Variants in ALG6 observed in about 807,000 individuals in gnomAD.
ALG6 encodes dolichyl pyrophosphate Man9GlcNAc2 alpha-1,3-glucosyltransferase.
A neutral mutation model predicts 66.6 loss-of-function variants in ALG6; 46 were observed. That is an observed-to-expected ratio of 0.69 (90% CI 0.55 to 0.88). ALG6 has a LOEUF of 0.88. ALG6 is among the 40% of genes least tolerant of loss of function. ALG6 has a pLI of 0.00. For synonymous variants in ALG6, 185 were observed against 203.7 expected (o/e 0.91, Z 0.78); for missense variants, 505 against 586.8 (o/e 0.86, Z 1.44).
chr1:63,409,125 A>G (rs1381131128), intron 7 of ALG6, among the ~76,000 whole-genome samples: 1 of 152,204 alleles, frequency 6.6e-6, no homozygotes, highest in Non-Finnish European at 1.5e-5. Flanking sequence ...TCATTTGCAA[A>G]ATGTGGATAA....
chr1:63,373,657 C>CTT lies in ALG6; in HGVS notation c.82+2598_82+2599insTT, dbSNP rs1557578257. ...TTATTTTTCAATTTAATTTAATTTA[C>CTT]ATTTTTTTTTTTTTTTTTTTTGAGA... On this transcript the variant is annotated intron_variant, in intron 2 of 14. Coordinates refer to ENST00000263440, the MANE Select transcript of ALG6 (RefSeq NM_013339.4). Among the ~76,000 whole-genome samples, 89 of 114,784 alleles carry CTT rather than the reference C, an allele frequency of 7.8e-4. 1 individual carries two copies. The highest frequency in any genetic ancestry group is 1.0e-3 in the African/African-American group (31 of 30,286). The allele number at this position is 114,784 out of a possible 152,430, so 75.3% of individuals were successfully genotyped here.
At chr1:63,382,245 A>G (rs1648337836) in intron 2 of ALG6, among the ~76,000 whole-genome samples, 1 of 151,818 alleles carries the variant, frequency 6.6e-6, no homozygotes, top group South Asian at 2.1e-4. Flanking sequence ...TGTGTCGCCC[A>G]GAGTGGAGTG....
intron 2 of ALG6, among the ~76,000 whole-genome samples, chr1:63,373,482 C>T (rs1202545613): frequency 6.6e-6 from 1 of 151,360 alleles, no homozygotes; most frequent in Non-Finnish European, 1.5e-5. Flanking sequence ...GTAATCCCAG[C>T]TGCTGGGGAG....
intron 2 of ALG6, among the ~76,000 whole-genome samples, chr1:63,382,665 GTTTTTTTTTTT>G (rs59236936): frequency 3.2e-5 from 3 of 93,600 alleles, no homozygotes; most frequent in African/African-American, 9.3e-5. Context: ...GTTTTTTTTT[GTTTTTTTTTTT>G]TTGTTTTTTT....
chr1:63,428,182 C>T (rs1644627053), intron 12 of ALG6: 1 of 152,780 alleles, frequency 6.5e-6, no homozygotes, highest in Non-Finnish European at 1.5e-5. Flanking sequence ...TACTATTTCC[C>T]TTTTTATGTA....
At chr1:63,424,852 C>T (rs1350597707) in intron 12 of ALG6, among the ~76,000 whole-genome samples, 1 of 148,312 alleles carries the variant, frequency 6.7e-6, no homozygotes, top group Non-Finnish European at 1.5e-5. Flanking sequence ...AATCTTAGCT[C>T]ACTACAACCT....
At chr1:63,398,649 G>A (rs1000249654) in intron 3 of ALG6, among the ~76,000 whole-genome samples, 1 of 151,134 alleles carries the variant, frequency 6.6e-6, no homozygotes, top group Non-Finnish European at 1.5e-5. Context: ...ATTTTTTTTT[G>A]TATTTTTAGT....
chr1:63,421,757 G>C (rs1484070141), intron 12 of ALG6, among the ~76,000 whole-genome samples: 2 of 151,682 alleles, frequency 1.3e-5, no homozygotes, highest in Non-Finnish European at 2.9e-5. Flanking sequence ...ATCATTCTCA[G>C]CAAACTAACA....
chr1:63,422,476 T>C (rs1411032381), intron 12 of ALG6, among the ~76,000 whole-genome samples: 1 of 96,742 alleles, frequency 1.0e-5, no homozygotes, highest in African/African-American at 4.5e-5. Flanking sequence ...TATATATAAA[T>C]ATATATATAT....
chr1:63,415,930 C>G lies in ALG6; in HGVS notation c.960C>G (p.Pro320=). The change falls in exon 11 of 15, where the codon CCC becomes CCG. Residue 320 remains proline (P), a synonymous_variant. Transcript: ENST00000263440. The part of the protein sequence containing the change: ...LPACIKLILQ[P]SSKGFKFTLV... The stretch of plus-strand genomic sequence containing the variant: ...CATGCATAAAATTAATACTTCAGCC[C>G]TCTTCCAAAGGATTCAAATTTACAC... 1 of 1,611,952 alleles carries G rather than the reference C, an allele frequency of 6.2e-7. No individual in the cohort carries two copies. Among genetic ancestry groups the G allele is most frequent in the Non-Finnish European group, 8.5e-7 (1 of 1,178,388 alleles).
chr1:63,370,930 T>C lies in ALG6; in HGVS notation c.-48T>C. On this transcript the variant is annotated 5_prime_UTR_variant, in exon 2 of 15. Transcript: ENST00000263440. The stretch of plus-strand genomic sequence containing the variant: ...GTGATTGACCACGTTTTAAAAGTAC[T>C]CTGGCACTGGTGCTGTGTTTTCTTC... The C allele has an allele frequency of 8.9e-7, 1 of 1,119,814 alleles. No homozygotes were observed. Among genetic ancestry groups the C allele is most frequent in the Non-Finnish European group, 1.4e-6 (1 of 728,374 alleles). The allele number at this position is 1,119,814 out of a possible 1,614,324, so 69.4% of individuals were successfully genotyped here.
intron 2 of ALG6, among the ~76,000 whole-genome samples, chr1:63,393,906 A>G (rs1373098863): frequency 6.6e-6 from 1 of 152,192 alleles, no homozygotes; most frequent in Non-Finnish European, 1.5e-5. Context: ...TAGAAAACTT[A>G]TTAAGTTTCT....
In ALG6 at chr1:63,436,945, G is replaced by A. The variant is rs1644682453; in HGVS notation, c.1449G>A (p.Leu483=). 6.2e-7 allele frequency: 1 copy of A among 1,613,668 alleles called. No individual in the cohort carries two copies. The highest frequency in any genetic ancestry group is 1.7e-4 in the Middle Eastern group (1 of 6,060). The part of the protein sequence containing the change: ...LVCFVSCLNF[L]FFLVYFNIII... ...GTTTTGTATCTTGCTTGAACTTCCTGTTCTTCTTGGTATACTTTAACATTA... is the reference window on the plus strand; with the variant it reads ...GTTTTGTATCTTGCTTGAACTTCCTATTCTTCTTGGTATACTTTAACATTA... The change falls in exon 15 of 15, where the codon CTG becomes CTA. Residue 483 remains leucine (L), a synonymous_variant. Transcript: ENST00000263440.
intron 2 of ALG6, among the ~76,000 whole-genome samples, chr1:63,372,477 C>T (rs1040919319): frequency 2.7e-5 from 4 of 148,368 alleles, no homozygotes; most frequent in South Asian, 2.1e-4. Context: ...TGTGTATATA[C>T]ACAGACACAC....
intron 2 of ALG6, among the ~76,000 whole-genome samples, chr1:63,395,342 T>A (rs12067831): frequency 6.6e-6 from 1 of 152,106 alleles, no homozygotes. Context: ...TAATGTCTTT[T>A]TAACATATAG....
In ALG6 at chr1:63,433,981, G is replaced by C. The variant is rs541406716; in HGVS notation, c.1327-2842G>C. Among the ~76,000 whole-genome samples the C allele has an allele frequency of 1.1e-3, 173 of 152,236 alleles. No homozygotes were observed. The highest frequency in any genetic ancestry group is 4.0e-3 in the African/African-American group (167 of 41,542). ...AGGAAGTAAACTGCAGATAATTGAG[G>C]GTAGAACATCCTAGAAGAGAAAAAC... is the stretch of plus-strand genomic sequence containing the variant. On this transcript the variant is annotated intron_variant, in intron 14 of 14. Coordinates refer to ENST00000263440, the MANE Select transcript of ALG6 (RefSeq NM_013339.4). This position sits in a 1 kb window ranked among gnomAD's most constrained non-coding sequence, Gnocchi z 4.2.
chr1:63,420,479 G>T (rs1472691087), intron 12 of ALG6, among the ~76,000 whole-genome samples: 2 of 152,076 alleles, frequency 1.3e-5, no homozygotes, highest in South Asian at 2.1e-4. Flanking sequence ...ACTTCTAGGG[G>T]TTCATTTTTT....
chr1:63,428,417 G>A, intron 12 of ALG6: 1 of 211,210 alleles, frequency 4.7e-6, no homozygotes, highest in South Asian at 1.3e-4. Context: ...ATGTGACAAA[G>A]CCTTCTCAGA....
chr1:63,375,698 G>C (rs12043761), intron 2 of ALG6, among the ~76,000 whole-genome samples: 1 of 152,066 alleles, frequency 6.6e-6, no homozygotes, highest in South Asian at 2.1e-4. Context: ...TTGTTCCTTA[G>C]ATACTTGGTA....
Sources: allele counts gnomAD v4.1 joint callset (sites outside exome capture counted in the v4.1 genomes callset), GRCh38; gene constraint gnomAD v4.1.1; non-coding constraint Gnocchi (gnomAD v3.1); transcripts MANE v1.5; gene names NCBI Gene and HGNC (gene_info 2026-07-23, HGNC 2026-07-21).